Variants in SLC22A25 observed in about 807,000 individuals in gnomAD.
SLC22A25 encodes the protein solute carrier family 22 member 25, also known as MGI:2442751, MGI:2385316, MGI:3042283, MGI:3645714, MGI:3605624, MGI:2442750.
A neutral mutation model predicts 45.9 loss-of-function variants in SLC22A25; 44 were observed. The ratio of observed to expected loss-of-function variants is 0.96; its 90% CI spans 0.75 to 1.23. The LOEUF is 1.23. Among genes scored for constraint, SLC22A25 ranks in the 50% most tolerant of loss-of-function variants. SLC22A25 has a pLI of 0.00. For synonymous variants in SLC22A25, 283 were observed against 238.6 expected (o/e 1.19, Z -1.72); for missense variants, 800 against 666.4 (o/e 1.20, Z -2.21).
chr11:63,212,219 G>T (rs916025160), intron 7 of SLC22A25, among the ~76,000 whole-genome samples: 14 of 57,388 alleles, frequency 2.4e-4, no homozygotes, highest in African/African-American at 9.8e-4. Context: ...CACTGTTGGT[G>T]GGACTGTAAA....
chr11:63,164,005 A>T lies in SLC22A25; in HGVS notation c.1463T>A (p.Ile488Asn), dbSNP rs573511976. 3.5e-5 allele frequency: 56 copies of T among 1,613,606 alleles called. 1 individual carries two copies. The highest frequency in any genetic ancestry group is 4.4e-5 in the Non-Finnish European group (52 of 1,179,822). ...IGGALASLMM[I>N]LSIYSRPLPW... The stretch of plus-strand genomic sequence containing the variant: ...CAGGGGTCGAGAATATATGCTTAGG[A>T]TCATCATGAGGGAAGCCAGGGCTCC... Residue 488 changes from isoleucine (I) to asparagine (N), a missense_variant, in exon 12 of 12, where the codon ATC (isoleucine) becomes AAC (asparagine). Ile to Asn is a moderately radical substitution (Grantham distance 149). Coordinates refer to ENST00000306494, the MANE Select transcript of SLC22A25 (RefSeq NM_199352.6).
At position 63,187,785 on chromosome 11, in the gene SLC22A25, T is replaced by G. The variant is rs139699788; in HGVS notation, c.831-3968A>C. Among the ~76,000 whole-genome samples, 309 of 152,366 alleles carry G rather than the reference T, an allele frequency of 2.0e-3. 5 individuals are homozygous for G. Among genetic ancestry groups the G allele is most frequent in the African/African-American group, 6.3e-3 (261 of 41,592 alleles). On this transcript the variant is annotated intron_variant, in intron 7 of 11. Coordinates refer to ENST00000306494, the MANE Select transcript of SLC22A25 (RefSeq NM_199352.6). ...GTTGAATTTTATCAAAGGCCGTTTC[T>G]GCATCTTTTGAGATAATCATGTGGT...
intron 7 of SLC22A25, among the ~76,000 whole-genome samples, chr11:63,196,214 A>G (rs1169171358): frequency 7.9e-5 from 12 of 152,218 alleles, no homozygotes; most frequent in Non-Finnish European, 1.3e-4. Flanking sequence ...AACTATTCCA[A>G]TCAATAGACA....
intron 5 of SLC22A25, among the ~76,000 whole-genome samples, chr11:63,224,552 TG>T (rs760590650): frequency 1.3e-5 from 2 of 152,198 alleles, no homozygotes; most frequent in Non-Finnish European, 2.9e-5. Context: ...TGATTTTCTC[TG>T]GTGATATGTT....
intron 1 of SLC22A25, among the ~76,000 whole-genome samples, chr11:63,240,449 G>A (rs1310516956): frequency 6.6e-6 from 1 of 152,124 alleles, no homozygotes; most frequent in Non-Finnish European, 1.5e-5. Context: ...CACTTGGGCT[G>A]CACTAAATAT....
intron 7 of SLC22A25, among the ~76,000 whole-genome samples, chr11:63,194,434 T>G (rs2088928737): frequency 6.6e-6 from 1 of 150,902 alleles, no homozygotes; most frequent in Non-Finnish European, 1.5e-5. Context: ...AAAAGAATTT[T>G]CAACCCAGAA....
At chr11:63,171,786 T>C (rs7938830) in intron 9 of SLC22A25, among the ~76,000 whole-genome samples, 151,906 of 152,316 alleles carry the variant, frequency 1, 75,751 homozygotes, top group Middle Eastern at 1. Flanking sequence ...TGACTTTTTT[T>C]GCAGAACTAG....
intron 7 of SLC22A25, among the ~76,000 whole-genome samples, chr11:63,204,769 A>G (rs2089350681): frequency 6.6e-6 from 1 of 152,160 alleles, no homozygotes; most frequent in Admixed American, 6.5e-5. Flanking sequence ...GAAAATTAAC[A>G]AGGATATTCA....
intron 7 of SLC22A25, among the ~76,000 whole-genome samples, chr11:63,216,820 T>G (rs917741307): frequency 2.4e-4 from 31 of 131,094 alleles, no homozygotes; most frequent in Non-Finnish European, 2.8e-4. Flanking sequence ...AAAATAAAAG[T>G]TAAAAAAGAT....
At chr11:63,236,275 A>G (rs1276965893) in intron 3 of SLC22A25, among the ~76,000 whole-genome samples, 1 of 151,934 alleles carries the variant, frequency 6.6e-6, no homozygotes, top group Non-Finnish European at 1.5e-5. Context: ...CCTCCTTGAG[A>G]TGTGGTGGGC....
chr11:63,166,378 T>A, intron 9 of SLC22A25, 120 bp from the exon 10 acceptor site: 2 of 1,458,280 alleles, frequency 1.4e-6, no homozygotes, highest in Non-Finnish European at 1.8e-6. Flanking sequence ...GAGTGTGTTT[T>A]GTGGAATATT....
At chr11:63,190,108 G>T (rs1170638492) in intron 7 of SLC22A25, among the ~76,000 whole-genome samples, 7 of 152,172 alleles carry the variant, frequency 4.6e-5, no homozygotes, top group Admixed American at 2.6e-4. Context: ...CTAGATTGGG[G>T]AAGTTCTCCT....
At chr11:63,235,383 A>G (rs551925280) in intron 3 of SLC22A25, among the ~76,000 whole-genome samples, 3 of 152,150 alleles carry the variant, frequency 2.0e-5, no homozygotes, top group Non-Finnish European at 4.4e-5. Context: ...TTCACGCTAC[A>G]TTTCATTCAT....
intron 7 of SLC22A25, among the ~76,000 whole-genome samples, chr11:63,198,072 C>T (rs1480040811): frequency 6.6e-6 from 1 of 152,164 alleles, no homozygotes; most frequent in Non-Finnish European, 1.5e-5. Flanking sequence ...AGTCAGGAAA[C>T]CACAGGTGCT....
intron 7 of SLC22A25, among the ~76,000 whole-genome samples, chr11:63,200,060 G>A (rs2089190544): frequency 6.6e-6 from 1 of 151,970 alleles, no homozygotes; most frequent in African/African-American, 2.4e-5. Context: ...TTTCACAGCT[G>A]AATTCCACCA....
rs190889580 is a variant in SLC22A25, at chr11:63,178,530, T to C, written c.1070+2130A>G. 4.6e-5 allele frequency among the ~76,000 whole-genome samples: 7 copies of C among 152,168 alleles called. No homozygotes were observed. In the East Asian group the frequency reaches 1.2e-3, roughly 25 times the overall value. ...TTAACTGGGGTGAAATAATATCTTA[T>C]TGTGGTTTTAATTTACATTTTTTCT... On this transcript the variant is annotated intron_variant, in intron 9 of 11. Transcript: ENST00000306494.
chr11:63,183,545 T>C, intron 8 of SLC22A25, 149 bp downstream of exon 8: 2 of 981,976 alleles, frequency 2.0e-6, no homozygotes, highest in East Asian at 2.5e-5. Flanking sequence ...GTTAATCCAA[T>C]GTTGACACCC....
intron 7 of SLC22A25, among the ~76,000 whole-genome samples, chr11:63,190,550 A>G (rs977784109): frequency 6.6e-6 from 1 of 152,082 alleles, no homozygotes; most frequent in Non-Finnish European, 1.5e-5. Flanking sequence ...TCAGCTCGTC[A>G]AAGTCATTGT....
At chr11:63,198,605 A>G (rs1194142732) in intron 7 of SLC22A25, among the ~76,000 whole-genome samples, 1 of 152,114 alleles carries the variant, frequency 6.6e-6, no homozygotes, top group African/African-American at 2.4e-5. Flanking sequence ...CATTAGGAGA[A>G]ATACCTAATG....
Sources: gnomAD v4.1 joint callset for allele counts (sites outside exome capture counted in the v4.1 genomes callset) on GRCh38, gnomAD v4.1.1 for gene constraint, MANE v1.5 for transcripts, NCBI Gene and HGNC (gene_info 2026-07-23, HGNC 2026-07-21) for gene names.